CCAR2: variants seen among roughly 807,000 people sequenced by gnomAD.
The protein encoded by CCAR2 is cell cycle and apoptosis regulator protein 2.
A neutral mutation model predicts 108.1 loss-of-function variants in CCAR2; 21 were observed. That is an observed-to-expected ratio of 0.19 (90% CI 0.14 to 0.28). CCAR2 has a LOEUF of 0.28. Among genes scored for constraint, CCAR2 ranks in the 10% least tolerant of loss-of-function variants. CCAR2 has a pLI of 1.00. For missense variants in CCAR2, 1,126 were observed against 1,177.0 expected (o/e 0.96, Z 0.63); for synonymous variants, 577 against 472.8 (o/e 1.22, Z -2.86).
chr8:22,609,836 C>T (rs1319285466), intron 7 of CCAR2, among the ~76,000 whole-genome samples: 2 of 152,162 alleles, frequency 1.3e-5, no homozygotes, highest in Non-Finnish European at 2.9e-5. Flanking sequence ...CATGCAAGGT[C>T]TGTTGTATTA....
downstream of CCAR2, chr8:22,621,445 G>A (rs371797360): frequency 1.2e-5 from 20 of 1,613,494 alleles, no homozygotes; most frequent in East Asian, 1.3e-4. Context: ...ACAATGGAGA[G>A]GGCCCGGAGC....
chr8:22,613,100 C>T lies in CCAR2; in HGVS notation c.668C>T (p.Pro223Leu), dbSNP rs776694523. 1 of 1,612,610 alleles carries T rather than the reference C, an allele frequency of 6.2e-7. No individual in the cohort carries two copies. Among genetic ancestry groups the T allele is most frequent in the Non-Finnish European group, 8.5e-7 (1 of 1,179,620 alleles). The change falls in exon 8 of 21, where the codon CCT becomes CTT. Residue 223 changes from proline (P) to leucine (L), a missense_variant. Physicochemically the swap from Pro to Leu is moderately conservative, Grantham distance 98. Coordinates refer to ENST00000308511, the MANE Select transcript of CCAR2 (RefSeq NM_001393997.1). ...AAGAAGCCAAGGCATGACCTGCCTC[C>T]TTACCGGGTCCACCTCACTCCTTAC... is the stretch of plus-strand genomic sequence containing the variant. ...GAKKPRHDLP[P>L]YRVHLTPYTV...
At chr8:22,617,375 G>A (rs200440587) in intron 14 of CCAR2, 45 bp from the exon 15 acceptor site, 7 of 1,515,312 alleles carry the variant, frequency 4.6e-6, no homozygotes, top group Non-Finnish European at 6.2e-6. Flanking sequence ...TGGTAATTAT[G>A]GTAACTGCCT....
rs996149715 is a variant in CCAR2 at position 22,617,426 on chromosome 8, G to T, written c.1852G>T (p.Asp618Tyr). 1 of 1,545,964 alleles carries T rather than the reference G, an allele frequency of 6.5e-7. No individual in the cohort carries two copies. The highest frequency in any genetic ancestry group is 1.4e-5 in the African/African-American group (1 of 72,112). ...ATESEAPLKEDGLLPKPLSSG... is the reference protein window; with the variant it reads ...ATESEAPLKEYGLLPKPLSSG... ...CCTTTGTCTGCCTCTGTAGAAGGAG[G>T]ATGGGCTTTTGCCCAAACCACTCTC... Residue 618 changes from aspartate (D) to tyrosine (Y), a missense_variant, in exon 15 of 21, where the codon GAT becomes TAT. Asp to Tyr is a radical substitution (Grantham distance 160, BLOSUM62 -3). Transcript: ENST00000308511.
chr8:22,608,146 C>A, intron 7 of CCAR2, 81 bp downstream of exon 7: 2 of 1,178,396 alleles, frequency 1.7e-6, no homozygotes, highest in Non-Finnish European at 2.4e-6. Flanking sequence ...TTTGTGTTGG[C>A]CAGGAAGTGA....
At position 22,615,846 on chromosome 8, in the gene CCAR2, C is replaced by T; in HGVS notation, c.1542C>T (p.Gly514=). ...PLEPAVIARP[G]CVNLSLHGIV... is the part of the protein sequence containing the mutation. ...AACCTGCTGTCATCGCACGCCCTGG[C>T]TGTGTAAACCTGTCCCTCCATGGGA... is the stretch of plus-strand genomic sequence containing the variant. The change falls in exon 13 of 21, where the codon GGC becomes GGT. Residue 514 remains glycine (G), a synonymous_variant. Transcript: ENST00000308511. The T allele has an allele frequency of 6.2e-7, 1 of 1,614,018 alleles. No individual in the cohort carries two copies. Among genetic ancestry groups the T allele is most frequent in the Non-Finnish European group, 8.5e-7 (1 of 1,180,030 alleles).
chr8:22,617,401 C>T lies in CCAR2; in HGVS notation c.1846-19C>T, dbSNP rs185068942. On this transcript the variant is annotated intron_variant, in intron 14 of 20. Transcript: ENST00000308511. ...GTAACTGCCTGCCTTTTCCTTATAA[C>T]CTTTGTCTGCCTCTGTAGAAGGAGG... 5 of 1,524,234 alleles carry T rather than the reference C, an allele frequency of 3.3e-6. No individual in the cohort carries two copies. The highest frequency in any genetic ancestry group is 2.6e-5 in the South Asian group (2 of 76,214). The allele number at this position is 1,524,234 out of a possible 1,614,324, so 94.4% of individuals were successfully genotyped here.
intron 7 of CCAR2, among the ~76,000 whole-genome samples, chr8:22,610,822 G>A (rs935470979): frequency 1.3e-5 from 2 of 152,222 alleles, no homozygotes; most frequent in Admixed American, 6.5e-5. Flanking sequence ...CAGGCACAGA[G>A]AAATGGCAGT....
intron 8 of CCAR2, among the ~76,000 whole-genome samples, chr8:22,613,603 G>C (rs1454799766): frequency 1.3e-5 from 2 of 152,162 alleles, no homozygotes; most frequent in East Asian, 3.8e-4. Context: ...GCTCTAACCA[G>C]TGGGGTGTGG....
intron 2 of CCAR2, 48 bp downstream of exon 2, chr8:22,605,879 C>G (rs767072187): frequency 6.3e-7 from 1 of 1,580,748 alleles, no homozygotes; most frequent in Non-Finnish European, 8.7e-7. Context: ...AGTATGTGCT[C>G]TGGAGTTAGT....
rs753944023 is a variant in CCAR2, at chr8:22,619,641, G to A, written c.2731G>A (p.Asp911Asn). The stretch of plus-strand genomic sequence containing the variant: ...GTACATCATCTGTTTCAAACAGGCT[G>A]ACAGCTGGGTGGAGAAGGAGGAGCC... ...LEIQRVVEKA[D>N]SWVEKEEPAP... The change falls in exon 21 of 21, where the codon GAC becomes AAC. Residue 911 changes from aspartate (D) to asparagine (N), a missense_variant. Around this residue, in one of 4 missense-constraint regions of CCAR2, gnomAD observed 1,013 missense variants for 993.9 expected, o/e 1.02. Transcript: ENST00000308511. The A allele has an allele frequency of 4.4e-6, 7 of 1,573,104 alleles. No individual in the cohort carries two copies. In the South Asian group the frequency reaches 8.2e-5, roughly 18 times the overall value.
At chr8:22,615,622 G>C (rs202173071) in intron 12 of CCAR2, 26 bp downstream of exon 12, 1 of 1,613,390 alleles carries the variant, frequency 6.2e-7, no homozygotes, top group Admixed American at 1.7e-5. Context: ...AGCCAGCAGC[G>C]GGGGATATAG....
intron 16 of CCAR2, chr8:22,618,123 A>G (rs1801598131): frequency 3.3e-6 from 2 of 613,326 alleles, no homozygotes; most frequent in Non-Finnish European, 5.7e-6. Flanking sequence ...TGTGTTGCCC[A>G]GGCTGGAGCA....
In CCAR2 at chr8:22,619,746, T is replaced by G; in HGVS notation, c.*64T>G. The G allele has an allele frequency of 6.6e-7, 1 of 1,521,832 alleles. No individual in the cohort carries two copies. Among genetic ancestry groups the G allele is most frequent in the Non-Finnish European group, 8.9e-7 (1 of 1,123,768 alleles). The allele number at this position is 1,521,832 out of a possible 1,614,324, so 94.3% of individuals were successfully genotyped here. On this transcript the variant is annotated 3_prime_UTR_variant, in exon 21 of 21. Transcript: ENST00000308511. ...TGGCGCCCGGCAAAGTTGGAGCCCTTGCGGTACCAGAAAGCAGCGAGAGCG... is the reference window on the plus strand; with the variant it reads ...TGGCGCCCGGCAAAGTTGGAGCCCTGGCGGTACCAGAAAGCAGCGAGAGCG...
chr8:22,611,380 G>GTATATATA (rs1361457292), intron 7 of CCAR2, among the ~76,000 whole-genome samples: 3 of 92,426 alleles, frequency 3.2e-5, no homozygotes, highest in Admixed American at 2.4e-4. Context: ...AAAAAAAAAA[G>GTATATATA]TATATATATG....
chr8:22,607,919 C>A (rs571090323), intron 6 of CCAR2, 50 bp from the exon 7 acceptor site: 2 of 1,523,244 alleles, frequency 1.3e-6, no homozygotes, highest in Non-Finnish European at 1.8e-6. Flanking sequence ...AGCTATTGCA[C>A]CCGGCCGGTT....
chr8:22,606,440 C>G (rs768732934), intron 3 of CCAR2, among the ~76,000 whole-genome samples, 167 bp from the exon 4 acceptor site: 4 of 152,286 alleles, frequency 2.6e-5, no homozygotes, highest in Middle Eastern at 3.4e-3. Flanking sequence ...AAACATGCCC[C>G]AACCCCTAAT....
intron 7 of CCAR2, among the ~76,000 whole-genome samples, chr8:22,612,070 C>T (rs550671904): frequency 1.3e-4 from 19 of 151,906 alleles, no homozygotes; most frequent in South Asian, 4.2e-4. Context: ...CTCAGTCTCC[C>T]GAGTAGCTGG....
At chr8:22,611,118 T>A (rs1489972006) in intron 7 of CCAR2, among the ~76,000 whole-genome samples, 2 of 151,920 alleles carry the variant, frequency 1.3e-5, no homozygotes, top group African/African-American at 4.8e-5. Flanking sequence ...CCTAGCACTT[T>A]GGGAGGCTGA....
Sources: allele counts gnomAD v4.1 joint callset (sites outside exome capture counted in the v4.1 genomes callset), GRCh38; gene constraint gnomAD v4.1.1; regional missense constraint gnomAD v4.1.1; transcripts MANE v1.5; gene names NCBI Gene and HGNC (gene_info 2026-07-23, HGNC 2026-07-21).